HMCN1: variants seen among roughly 807,000 people sequenced by gnomAD.
HMCN1 encodes hemicentin 1, also known as hemicentin-1.
In HMCN1, 321 loss-of-function variants were observed where a neutral mutation model predicts 625.9. The observed-to-expected ratio is 0.51, with a 90% confidence interval of 0.47 to 0.56. The LOEUF (loss-of-function observed/expected upper bound fraction) is 0.56. HMCN1 is among the 20% of genes least tolerant of loss of function. The pLI is 0.00. For synonymous variants in HMCN1, 2,425 were observed against 2,417.6 expected, an observed-to-expected ratio of 1.00 and a Z score of -0.09; for missense variants, 6,588 against 6,887.3, an observed-to-expected ratio of 0.96 and a Z score of 1.54.
chr1:186,180,999 T>C (rs1295467334), intron 104 of HMCN1, among the ~76,000 whole-genome samples: 1 of 152,144 alleles, frequency 6.6e-6, no homozygotes, highest in Non-Finnish European at 1.5e-5. Context: ...AAAGTTTAGT[T>C]TTTGAAGAAA....
intron 11 of HMCN1, among the ~76,000 whole-genome samples, chr1:185,947,198 A>G (rs1168939843): frequency 6.6e-6 from 1 of 152,072 alleles, no homozygotes; most frequent in Non-Finnish European, 1.5e-5. Flanking sequence ...GATTTAATAG[A>G]CCTTTGTAGT....
intron 1 of HMCN1, among the ~76,000 whole-genome samples, chr1:185,777,973 T>TAATG (rs1656740854): frequency 6.6e-6 from 1 of 152,186 alleles, no homozygotes; most frequent in African/African-American, 2.4e-5. Context: ...GCTGTGGCTG[T>TAATG]CTATGGCAGT....
chr1:185,905,236 TTCTC>T (rs942287120), intron 4 of HMCN1, among the ~76,000 whole-genome samples: 10 of 151,614 alleles, frequency 6.6e-5, no homozygotes, highest in African/African-American at 2.4e-4. Flanking sequence ...CCCTCCCATT[TTCTC>T]TCTCTCTTGT....
intron 36 of HMCN1, among the ~76,000 whole-genome samples, chr1:186,024,218 T>C (rs2102170140): frequency 6.6e-6 from 1 of 152,318 alleles, no homozygotes; most frequent in South Asian, 2.1e-4. Context: ...TGTAACCATT[T>C]TGCAATTGGC....
At chr1:186,020,825 A>T (rs1654672115) in intron 35 of HMCN1, among the ~76,000 whole-genome samples, 1 of 152,112 alleles carries the variant, frequency 6.6e-6, no homozygotes, top group Non-Finnish European at 1.5e-5. Context: ...AGAACCAGAA[A>T]GCCAGCCAGT....
chr1:186,129,400 A>G (rs953631459), intron 83 of HMCN1, among the ~76,000 whole-genome samples: 1 of 151,454 alleles, frequency 6.6e-6, no homozygotes, highest in African/African-American at 2.4e-5. Flanking sequence ...AATAAAATAT[A>G]TGCCTTTGTA....
intron 40 of HMCN1, among the ~76,000 whole-genome samples, chr1:186,044,705 G>A (rs539248212): frequency 1.3e-5 from 2 of 152,220 alleles, no homozygotes; most frequent in South Asian, 4.1e-4. Context: ...TAGTGATGGG[G>A]TTTCATGAAA....
At chr1:186,004,226 T>C (rs1363815271) in intron 29 of HMCN1, among the ~76,000 whole-genome samples, 28 of 152,176 alleles carry the variant, frequency 1.8e-4, no homozygotes. Context: ...AAGCTAGTTC[T>C]GTGTATGGGC....
intron 100 of HMCN1, among the ~76,000 whole-genome samples, chr1:186,168,462 A>G (rs1324229119): frequency 1.5e-5 from 2 of 133,836 alleles, no homozygotes; most frequent in African/African-American, 6.5e-5. Flanking sequence ...AAAAAAAAAA[A>G]GTATATGATC....
chr1:185,780,572 T>C (rs1172374437), intron 1 of HMCN1, among the ~76,000 whole-genome samples: 1 of 152,256 alleles, frequency 6.6e-6, no homozygotes, highest in Non-Finnish European at 1.5e-5. Flanking sequence ...TGATGAATTT[T>C]GTCGAAGGCC....
intron 98 of HMCN1, 88 bp downstream of exon 98, chr1:186,165,261 A>C: frequency 9.1e-7 from 1 of 1,101,330 alleles, no homozygotes. Flanking sequence ...CCCTTTCACT[A>C]GGTATTTAAT....
intron 76 of HMCN1, 85 bp from the exon 77 acceptor site, chr1:186,117,374 A>G: frequency 1.4e-6 from 2 of 1,479,902 alleles, no homozygotes; most frequent in Non-Finnish European, 1.9e-6. Context: ...TCAGAGCAAA[A>G]AGAGGATGTA....
At chr1:185,954,768 C>T (rs1208822201) in intron 11 of HMCN1, among the ~76,000 whole-genome samples, 1 of 152,110 alleles carries the variant, frequency 6.6e-6, no homozygotes, top group African/African-American at 2.4e-5. Context: ...TCATACCTTA[C>T]TTCTCTCTCT....
chr1:186,125,208 A>T (rs938133045), intron 81 of HMCN1, among the ~76,000 whole-genome samples: 1 of 152,042 alleles, frequency 6.6e-6, no homozygotes, highest in Non-Finnish European at 1.5e-5. Context: ...TTATTAGTTC[A>T]TCCTCATAAT....
intron 86 of HMCN1, among the ~76,000 whole-genome samples, chr1:186,135,905 A>G (rs935141317): frequency 6.6e-6 from 1 of 152,188 alleles, no homozygotes; most frequent in African/African-American, 2.4e-5. Flanking sequence ...GAGCTCCTTG[A>G]GACTAGAAAG....
chr1:185,807,559 A>G (rs1287674239), intron 1 of HMCN1, among the ~76,000 whole-genome samples: 1 of 152,224 alleles, frequency 6.6e-6, no homozygotes, highest in African/African-American at 2.4e-5. Flanking sequence ...GGATTCATGC[A>G]TACATATTTG....
At chr1:185,916,223 GTTC>G (rs1389402232) in intron 6 of HMCN1, among the ~76,000 whole-genome samples, 2 of 152,114 alleles carry the variant, frequency 1.3e-5, no homozygotes, top group African/African-American at 4.8e-5. Flanking sequence ...CTCACAGTAG[GTTC>G]TTAATAAATA....
In HMCN1 at chr1:186,055,427, T is replaced by A. The variant is rs764699819; in HGVS notation, c.6897T>A (p.Pro2299=). The A allele has an allele frequency of 9.2e-5, 149 of 1,612,570 alleles. 5 individuals are homozygous for A. In the South Asian group the frequency reaches 1.5e-3, roughly 16 times the overall value. The change falls in exon 45 of 107, where the codon CCT becomes CCA. Residue 2299 remains proline, a synonymous_variant. Transcript: ENST00000271588. ...RPTITNSGSH[P]TEIIVTRGKS... is the part of the protein sequence containing the mutation. The stretch of plus-strand genomic sequence containing the variant: ...CCATAACCAACAGTGGCAGCCACCC[T>A]ACTGAAATTATTGTGACCCGAGGGA...
intron 4 of HMCN1, among the ~76,000 whole-genome samples, chr1:185,900,386 T>C (rs1010910189): frequency 1.3e-5 from 2 of 152,018 alleles, no homozygotes; most frequent in African/African-American, 4.8e-5. Flanking sequence ...CAGGTTGTCA[T>C]ATAAATCGAA....
Sources: gnomAD v4.1 joint callset for allele counts (sites outside exome capture counted in the v4.1 genomes callset) on GRCh38, gnomAD v4.1.1 for gene constraint, MANE v1.5 for transcripts, NCBI Gene and HGNC (gene_info 2026-07-23, HGNC 2026-07-21) for gene names.